The following TDRP variants were observed in gnomAD, a reference collection of about 807,000 sequenced individuals.
TDRP encodes testis development related protein.
Under a neutral mutation model 10.5 loss-of-function variants are expected in TDRP, and 12 were observed. That is an observed-to-expected ratio of 1.15 (90% confidence interval 0.73 to 1.86). TDRP has a LOEUF of 1.86. TDRP is among the 40% of genes most tolerant of loss of function. The pLI is 0.00. For synonymous variants in TDRP, 139 were observed against 95.4 expected (o/e 1.46, Z -2.67); for missense variants, 353 against 229.2 (o/e 1.54, Z -3.49).
Position 494,561 on chromosome 8 carries a change from T to A in TDRP, c.145A>T (p.Thr49Ser), listed in dbSNP as rs747575361. The A allele has an allele frequency of 1.2e-6, 2 of 1,613,976 alleles. No homozygotes were observed. The highest frequency in any genetic ancestry group is 2.2e-5 in the East Asian group (1 of 44,872). ...GASFRGWKEV[T>S]SLFNKDDEQH... ...TCATCATCTTTGTTAAACAGTGAAG[T>A]CACTTCTTTCCAACCTCGGAAACTT... Residue 49 changes from threonine to serine, a missense_variant, in exon 2 of 3, where the codon ACT becomes TCT. Transcript: ENST00000324079.
intron 1 of TDRP, among the ~76,000 whole-genome samples, chr8:508,360 G>C (rs1017577811): frequency 6.6e-6 from 1 of 152,188 alleles, no homozygotes; most frequent in South Asian, 2.1e-4. Context: ...AACTGCCCAA[G>C]ACTGGGTAAT....
rs1370583918 is a variant in TDRP at position 491,336 on chromosome 8, C to T, written c.*1063G>A. 2.9e-5 allele frequency: 10 copies of T among 345,252 alleles called. No individual in the cohort carries two copies. The East Asian group carries it at 2.9e-4, about 10-fold the overall frequency. The allele number at this position is 345,252 out of a possible 1,614,324, so 21.4% of individuals were successfully genotyped here. On this transcript the variant is annotated 3_prime_UTR_variant, in exon 3 of 3. Coordinates refer to ENST00000324079, the MANE Select transcript of TDRP (RefSeq NM_001384899.1). ...ACCACTTTTATCTAAGAGATATCTG[C>T]AGGACTTGCTGATAAGAGCCAACCT...
At chr8:509,679 G>T (rs1391468000) in intron 1 of TDRP, among the ~76,000 whole-genome samples, 1 of 152,158 alleles carries the variant, frequency 6.6e-6, no homozygotes, top group Non-Finnish European at 1.5e-5. Flanking sequence ...AAAGGTCTCT[G>T]ACATGCCCTG....
At chr8:523,229 A>G (rs556474668) in intron 1 of TDRP, among the ~76,000 whole-genome samples, 1 of 152,242 alleles carries the variant, frequency 6.6e-6, no homozygotes, top group South Asian at 2.1e-4. Context: ...TAGTTATAAT[A>G]ATCTATTTTA....
At chr8:498,338 A>C in intron 1 of TDRP, among the ~76,000 whole-genome samples, 1 of 152,192 alleles carries the variant, frequency 6.6e-6, no homozygotes, top group East Asian at 1.9e-4. Flanking sequence ...CATGCCCTGG[A>C]TATGAGACAT....
intron 1 of TDRP, among the ~76,000 whole-genome samples, chr8:522,779 T>C (rs1801940190): frequency 6.6e-6 from 1 of 152,214 alleles, no homozygotes; most frequent in Non-Finnish European, 1.5e-5. Flanking sequence ...AATTACATAG[T>C]CCTTCTTTGT....
chr8:518,167 C>T (rs1312280531), intron 1 of TDRP, among the ~76,000 whole-genome samples: 3 of 152,116 alleles, frequency 2.0e-5, no homozygotes, highest in Admixed American at 6.6e-5. Flanking sequence ...ACAAAGGCAC[C>T]GCTCTGGAGA....
At chr8:504,591 A>G (rs1801404962) in intron 1 of TDRP, among the ~76,000 whole-genome samples, 1 of 152,220 alleles carries the variant, frequency 6.6e-6, no homozygotes, top group East Asian at 1.9e-4. Flanking sequence ...TGCAAACCGT[A>G]AAACCACTCA....
At chr8:498,707 G>T (rs1038906377) in intron 1 of TDRP, among the ~76,000 whole-genome samples, 2 of 152,172 alleles carry the variant, frequency 1.3e-5, no homozygotes, top group Non-Finnish European at 2.9e-5. Context: ...GGAGCAGAAT[G>T]ATGTGGTTTG....
intron 1 of TDRP, among the ~76,000 whole-genome samples, chr8:495,820 G>A (rs377609670): frequency 2.0e-5 from 3 of 152,286 alleles, no homozygotes; most frequent in East Asian, 3.9e-4. Flanking sequence ...GCAATGTCTG[G>A]GGGTCTCCAG....
At chr8:503,283 T>A (rs1448946344) in intron 1 of TDRP, among the ~76,000 whole-genome samples, 1 of 88,716 alleles carries the variant, frequency 1.1e-5, no homozygotes, top group African/African-American at 4.7e-5. Flanking sequence ...GCAACCCACG[T>A]CCACCTCAGC....
chr8:501,347 C>T (rs1801293927), intron 1 of TDRP, among the ~76,000 whole-genome samples: 1 of 151,948 alleles, frequency 6.6e-6, no homozygotes, highest in African/African-American at 2.4e-5. Flanking sequence ...TGGTATACTT[C>T]TTTTGTTTTG....
rs549680879 is a variant in TDRP at position 492,788 on chromosome 8, G to C, written c.213-44C>G. 1.6e-5 allele frequency: 23 copies of C among 1,422,950 alleles called. No homozygotes were observed. The Admixed American group carries it at 2.9e-4, about 18-fold the overall frequency. 88.1% of individuals were successfully genotyped at this position (1,422,950 alleles called of 1,614,324 possible). The stretch of plus-strand genomic sequence containing the variant: ...TTAGGTGTTGGTGACCCAGGTCTTA[G>C]GGCCTCAAGCTTTATCCATTTTACA... On this transcript the variant is annotated intron_variant, in intron 2 of 2. Transcript: ENST00000324079.
rs1220076243 is a variant in TDRP at position 494,506 on chromosome 8, G to A, written c.200C>T (p.Pro67Leu). 2 of 1,613,552 alleles carry A rather than the reference G, an allele frequency of 1.2e-6. No homozygotes were observed. Among genetic ancestry groups the A allele is most frequent in the Non-Finnish European group, 1.7e-6 (2 of 1,179,730 alleles). The change falls in exon 2 of 3, where the codon CCC becomes CTC. Residue 67 changes from proline (P) to leucine (L), a missense_variant. Coordinates refer to ENST00000324079, the MANE Select transcript of TDRP (RefSeq NM_001384899.1). ...EQHLLERCKS[P>L]KSKGTNLRLK... is the part of the protein sequence containing the mutation. ...AGTTATGACTTACCCTTTGGACTTG[G>A]GAGATTTACATCTTTCCAGGAGATG...
intron 1 of TDRP, among the ~76,000 whole-genome samples, chr8:538,008 G>T (rs1233469281): frequency 6.6e-6 from 1 of 152,242 alleles, no homozygotes; most frequent in Middle Eastern, 3.4e-3. Flanking sequence ...TTGGGAAGAG[G>T]TTTTGTTTTT....
chr8:507,348 G>C (rs1032532250), intron 1 of TDRP, among the ~76,000 whole-genome samples: 1 of 152,116 alleles, frequency 6.6e-6, no homozygotes, highest in Non-Finnish European at 1.5e-5. Flanking sequence ...TTTCAGGGAA[G>C]AACTAGGGAA....
intron 1 of TDRP, among the ~76,000 whole-genome samples, chr8:503,566 A>G (rs528432330): frequency 1.4e-5 from 2 of 147,462 alleles, no homozygotes; most frequent in South Asian, 4.3e-4. Context: ...CCATGCATCA[A>G]CACAGAATCC....
intron 1 of TDRP, among the ~76,000 whole-genome samples, chr8:509,295 C>A (rs573647920): frequency 6.6e-6 from 1 of 152,358 alleles, no homozygotes; most frequent in South Asian, 2.1e-4. Flanking sequence ...GTGGGGGCTC[C>A]AACCCCACAT....
At chr8:501,133 G>A (rs2116736919) in intron 1 of TDRP, among the ~76,000 whole-genome samples, 1 of 151,860 alleles carries the variant, frequency 6.6e-6, no homozygotes, top group East Asian at 2.0e-4. Flanking sequence ...TGAACCCGAG[G>A]AGGTGGAGCT....
Sources: gnomAD v4.1 joint callset for allele counts (sites outside exome capture counted in the v4.1 genomes callset) on GRCh38, gnomAD v4.1.1 for gene constraint, MANE v1.5 for transcripts, NCBI Gene and HGNC (gene_info 2026-07-23, HGNC 2026-07-21) for gene names.